RNF6: variants seen among roughly 807,000 people sequenced by gnomAD.
The protein encoded by RNF6 is E3 ubiquitin-protein ligase RNF6.
Under a neutral mutation model 50.1 loss-of-function variants are expected in RNF6, and 21 were observed. The observed-to-expected ratio is 0.42, with a 90% CI of 0.30 to 0.60. The LOEUF (loss-of-function observed/expected upper bound fraction) is 0.60. Ranked by LOEUF, RNF6 falls within the 20% of genes least tolerant of loss-of-function variation. The pLI, the probability that RNF6 is intolerant of heterozygous loss-of-function variation, is 0.20. For synonymous variants in RNF6, 255 were observed against 291.8 expected (o/e 0.87, Z 1.29); for missense variants, 698 against 838.2 (o/e 0.83, Z 2.07).
intron 5 of RNF6, among the ~76,000 whole-genome samples, chr13:26,146,526 G>A (rs2137569849): frequency 6.6e-6 from 1 of 152,280 alleles, no homozygotes; most frequent in East Asian, 1.9e-4. Flanking sequence ...TCACAGTCAT[G>A]GTGAAAGGTA....
intron 5 of RNF6, among the ~76,000 whole-genome samples, chr13:26,204,496 CAAA>C (rs71080239): frequency 5.8e-5 from 4 of 68,946 alleles, no homozygotes; most frequent in Admixed American, 1.5e-4. Context: ...GACTCCACCT[CAAA>C]AAAAAAAAAA....
In RNF6 at chr13:26,215,017, C is replaced by T. The variant is rs774183476; in HGVS notation, c.865G>A (p.Val289Ile). The change falls in exon 5 of 5, where the codon GTT (valine) becomes ATT (isoleucine). Residue 289 changes from valine to isoleucine, a missense_variant. Transcript: ENST00000381588. ...HVWENGARSN[V>I]TVRNTNQRLE... The stretch of plus-strand genomic sequence containing the variant: ...CTTTGGTTTGTATTCCTCACTGTAA[C>T]ATTACTTCTAGCCCCATTTTCCCAA... The T allele has an allele frequency of 3.1e-6, 5 of 1,614,204 alleles. No homozygotes were observed. The East Asian group carries it at 1.1e-4, about 36-fold the overall frequency.
In RNF6 at chr13:26,204,199, A is replaced by G. The variant is rs181758702; in HGVS notation, n.768+11275T>C. On this transcript the variant is annotated intron_variant and non_coding_transcript_variant, in intron 5 of 5. Coordinates refer to the RNF6 transcript ENST00000468480. ...CAAACTGACAAAATATTGAGTGTGT[A>G]GAAAAGAGAAATAAGGCCGGGCGCA... Among the ~76,000 whole-genome samples the G allele has an allele frequency of 4.1e-3, 630 of 152,028 alleles. 18 individuals carry two copies. Among genetic ancestry groups the G allele is most frequent in the Admixed American group, 0.039 (596 of 15,280 alleles).
chr13:26,141,331 G>T (rs1389850245), intron 5 of RNF6, among the ~76,000 whole-genome samples: 5 of 151,762 alleles, frequency 3.3e-5, no homozygotes. Flanking sequence ...AGGAGGCTGA[G>T]GCAGGAGAAT....
In RNF6 at chr13:26,188,828, A is replaced by C. The variant is rs536635693; in HGVS notation, n.768+26646T>G. On this transcript the variant is annotated intron_variant and non_coding_transcript_variant, in intron 5 of 5. Transcript: ENST00000468480. ...TATTTTTAGTAGAGATGAGGTTTCAACATGTTGGCCAGGATGGTCTCAATC... is the reference window on the plus strand; with the variant it reads ...TATTTTTAGTAGAGATGAGGTTTCACCATGTTGGCCAGGATGGTCTCAATC... 7.9e-5 allele frequency among the ~76,000 whole-genome samples: 12 copies of C among 151,448 alleles called. No homozygotes were observed. The South Asian group carries it at 1.9e-3, about 24-fold the overall frequency.
intron 5 of RNF6, among the ~76,000 whole-genome samples, chr13:26,203,037 A>G (rs1868954461): frequency 6.6e-6 from 1 of 152,254 alleles, no homozygotes; most frequent in Non-Finnish European, 1.5e-5. Flanking sequence ...ACAAATGGAA[A>G]AACAGACGAC....
At chr13:26,186,424 G>A (rs939828535) in intron 5 of RNF6, among the ~76,000 whole-genome samples, 2 of 152,238 alleles carry the variant, frequency 1.3e-5, no homozygotes, top group African/African-American at 2.4e-5. Context: ...AGCAAGAGCG[G>A]GACGCGCCGG....
In RNF6 at chr13:26,215,468, A is replaced by C; in HGVS notation, c.414T>G (p.Ser138Arg). 6.2e-7 allele frequency: 1 copy of C among 1,614,160 alleles called. No individual in the cohort carries two copies. Among genetic ancestry groups the C allele is most frequent in the Non-Finnish European group, 8.5e-7 (1 of 1,180,036 alleles). ...ACTCTCCATTGTTCGGGTTTGTTCG[A>C]CTCACAGCTCTCCAAGTTTGGTTCC... ...QNGNQTWRAV[S>R]RTNPNNGEFR... The change falls in exon 5 of 5, where the codon AGT becomes AGG. Residue 138 changes from serine (S) to arginine (R), a missense_variant. Coordinates refer to ENST00000381588, the MANE Select transcript of RNF6 (RefSeq NM_005977.4).
intron 5 of RNF6, among the ~76,000 whole-genome samples, chr13:26,157,889 T>C (rs1872008485): frequency 1.4e-5 from 2 of 147,782 alleles, no homozygotes; most frequent in East Asian, 2.0e-4. Flanking sequence ...AAGAGATGGA[T>C]GGATGGATGG....
intron 5 of RNF6, among the ~76,000 whole-genome samples, chr13:26,179,468 G>T (rs1438740011): frequency 6.6e-6 from 1 of 152,162 alleles, no homozygotes; most frequent in Non-Finnish European, 1.5e-5. Flanking sequence ...CTGTATCCCA[G>T]GGGCATTTGG....
At chr13:26,210,821 A>G (rs970307502), downstream of RNF6, among the ~76,000 whole-genome samples, 31 of 152,322 alleles carry the variant, frequency 2.0e-4, no homozygotes, top group African/African-American at 7.2e-4. Flanking sequence ...TTGAAAGGAA[A>G]ATAACCTCGT....
At chr13:26,150,652 T>C (rs554654832) in intron 5 of RNF6, among the ~76,000 whole-genome samples, 1 of 152,178 alleles carries the variant, frequency 6.6e-6, no homozygotes, top group South Asian at 2.1e-4. Context: ...ACTTAAAATT[T>C]AAAACCTCAA....
chr13:26,167,995 T>A (rs1362091432), intron 5 of RNF6, among the ~76,000 whole-genome samples: 1 of 152,088 alleles, frequency 6.6e-6, no homozygotes, highest in Non-Finnish European at 1.5e-5. Context: ...AGCTAAATGA[T>A]GAGAACACAT....
intron 5 of RNF6, among the ~76,000 whole-genome samples, chr13:26,141,576 G>T (rs1314253936): frequency 6.6e-6 from 1 of 152,000 alleles, no homozygotes; most frequent in African/African-American, 2.4e-5. Context: ...AAATAAAGCA[G>T]CATATCGACA....
Position 26,215,568 on chromosome 13 carries a change from G to T in RNF6, c.314C>A (p.Ser105Ter). Residue 105 changes from serine to a stop codon, truncating the protein, a stop_gained, in exon 5 of 5, where the codon TCA (serine) becomes TAA (stop). Transcript: ENST00000381588. LOFTEE classifies it low-confidence loss of function (END_TRUNC). Reference protein sequence around the residue: ...YRDSEVPRESSHEDSLLEWLN... With the variant: ...YRDSEVPRES ...CCATTCTAGAAGAGAATCTTCATGTGAACTTTCTCTAGGGACTTCTGAGTC... is the reference window on the plus strand; with the variant it reads ...CCATTCTAGAAGAGAATCTTCATGTTAACTTTCTCTAGGGACTTCTGAGTC... 6.2e-7 allele frequency: 1 copy of T among 1,606,270 alleles called. No homozygotes were observed. The highest frequency in any genetic ancestry group is 1.1e-5 in the South Asian group (1 of 90,542).
At chr13:26,142,724 A>G (rs1292268382) in intron 5 of RNF6, among the ~76,000 whole-genome samples, 2 of 152,110 alleles carry the variant, frequency 1.3e-5, no homozygotes, top group East Asian at 3.9e-4. Context: ...CTCCAAGAGG[A>G]GGGAGGGATG....
rs749629146 is a variant in RNF6 at position 26,219,670 on chromosome 13, G to C, written c.-18-3C>G. ...TTCATCCTGAGATTCCTGGCTTTCTGTTCAAACAATATAAACAACATTCAA... is the reference window on the plus strand; with the variant it reads ...TTCATCCTGAGATTCCTGGCTTTCTCTTCAAACAATATAAACAACATTCAA... On this transcript the variant is annotated splice_region_variant and splice_polypyrimidine_tract_variant and intron_variant, in intron 2 of 4. Coordinates refer to ENST00000381588, the MANE Select transcript of RNF6 (RefSeq NM_005977.4). 1 of 1,609,562 alleles carries C rather than the reference G, an allele frequency of 6.2e-7. No individual in the cohort carries two copies. The highest frequency in any genetic ancestry group is 2.2e-5 in the East Asian group (1 of 44,850).
intron 5 of RNF6, among the ~76,000 whole-genome samples, chr13:26,183,383 A>C (rs1873332982): frequency 6.6e-6 from 1 of 152,248 alleles, no homozygotes; most frequent in Non-Finnish European, 1.5e-5. Flanking sequence ...TGAGGAGCTC[A>C]AAATCAATGA....
intron 5 of RNF6, among the ~76,000 whole-genome samples, chr13:26,136,718 C>T (rs1412385286): frequency 6.6e-6 from 1 of 151,850 alleles, no homozygotes; most frequent in Non-Finnish European, 1.5e-5. Flanking sequence ...ACATATACCC[C>T]CAAAAAATGA....
Sources: gnomAD v4.1 joint callset for allele counts (sites outside exome capture counted in the v4.1 genomes callset) on GRCh38, gnomAD v4.1.1 for gene constraint, MANE v1.5 for transcripts, NCBI Gene and HGNC (gene_info 2026-07-23, HGNC 2026-07-21) for gene names.